The following ZSWIM6 variants were observed in gnomAD, a reference collection of about 807,000 sequenced individuals.
ZSWIM6 encodes zinc finger SWIM domain-containing protein 6.
A neutral mutation model predicts 113.2 loss-of-function variants in ZSWIM6; 9 were observed. That is an observed-to-expected ratio of 0.08 (90% CI 0.05 to 0.14). The LOEUF is 0.14. ZSWIM6 is among the 10% of genes least tolerant of loss of function. The probability of loss-of-function intolerance (pLI) is 1.00; values close to 1 mark genes in which losing one functional copy is unlikely to be tolerated. For missense variants in ZSWIM6, 1,162 were observed against 1,552.2 expected, an observed-to-expected ratio of 0.75 and a Z score of 4.22; for synonymous variants, 611 against 606.5, an observed-to-expected ratio of 1.01 and a Z score of -0.11.
chr5:61,442,161 T>G (rs1312046542), intron 1 of ZSWIM6, among the ~76,000 whole-genome samples: 1 of 152,182 alleles, frequency 6.6e-6, no homozygotes, highest in Non-Finnish European at 1.5e-5. Flanking sequence ...CTGGTTAAGT[T>G]TCAGTTCCTT....
chr5:61,333,011 G>GGGGGCCCCCC, intron 1 of ZSWIM6, 63 bp downstream of exon 1: 1 of 1,003,852 alleles, frequency 1.0e-6, no homozygotes, highest in Non-Finnish European at 1.2e-6. Context: ...GGGGGGGGGT[G>GGGGGCCCCCC]CCCGCCTTTC....
intron 1 of ZSWIM6, among the ~76,000 whole-genome samples, chr5:61,381,344 T>C (rs1010976354): frequency 3.3e-5 from 5 of 152,240 alleles, no homozygotes; most frequent in African/African-American, 1.2e-4. Flanking sequence ...TAAACATTTA[T>C]TGTTCCTTGT....
chr5:61,369,612 G>A (rs13168165), intron 1 of ZSWIM6, among the ~76,000 whole-genome samples: 15,548 of 152,112 alleles, frequency 0.1, 1,002 homozygotes, highest in Middle Eastern at 0.15. Flanking sequence ...TTATTTGAAA[G>A]TGGACAGCCC....
chr5:61,421,043 C>T (rs954073738), intron 1 of ZSWIM6, among the ~76,000 whole-genome samples: 10 of 151,858 alleles, frequency 6.6e-5, no homozygotes, highest in Admixed American at 2.0e-4. Context: ...TCTCAGTCTC[C>T]GAGGTGGCTG....
intron 1 of ZSWIM6, among the ~76,000 whole-genome samples, chr5:61,355,359 C>T (rs1438823442): frequency 6.6e-6 from 1 of 151,016 alleles, no homozygotes; most frequent in East Asian, 1.9e-4. Flanking sequence ...AAATAAATAG[C>T]AGTGATGGTA....
At position 61,408,776 on chromosome 5, in the gene ZSWIM6, G is replaced by A. The variant is rs147565401; in HGVS notation, c.677-63905G>A. ...CTTTGCTTTCCTCACTACAGCTGAG[G>A]GCTTTCGAAGCTTCCCACCAGTGGG... is the stretch of plus-strand genomic sequence containing the variant. On this transcript the variant is annotated intron_variant, in intron 1 of 13. Coordinates refer to ENST00000252744, the MANE Select transcript of ZSWIM6 (RefSeq NM_020928.2). Among the ~76,000 whole-genome samples the A allele has an allele frequency of 1.8e-4, 27 of 152,360 alleles. 3 individuals are homozygous for A. The East Asian group carries it at 5.0e-3, about 28-fold the overall frequency.
chr5:61,500,671 A>T (rs1211342322), intron 4 of ZSWIM6, among the ~76,000 whole-genome samples: 2 of 152,150 alleles, frequency 1.3e-5, no homozygotes, highest in African/African-American at 4.8e-5. Flanking sequence ...GAAAACAAGC[A>T]CATGGATCCA....
intron 1 of ZSWIM6, among the ~76,000 whole-genome samples, chr5:61,436,511 C>G (rs895823874): frequency 6.6e-6 from 1 of 152,176 alleles, no homozygotes; most frequent in Non-Finnish European, 1.5e-5. Context: ...TATGGAAGCC[C>G]TATTCACTAC....
intron 1 of ZSWIM6, among the ~76,000 whole-genome samples, chr5:61,368,849 T>C (rs1357180270): frequency 2.0e-5 from 3 of 152,218 alleles, no homozygotes; most frequent in South Asian, 2.1e-4. Context: ...AAGTGTAGTT[T>C]CTGCTTTGAC....
In ZSWIM6 at chr5:61,525,802, T is replaced by C; in HGVS notation, c.1516T>C (p.Ser506Pro). Reference protein sequence around the residue: ...LPQGANANQDSSNRPHRTVFT... With the variant: ...LPQGANANQDPSNRPHRTVFT... Reference sequence around the variant, plus strand: ...TTTCTGAATTGTGGAAAAAACAGATTCATCGAACAGGCCACATCGGACAGT... The same window carrying C: ...TTTCTGAATTGTGGAAAAAACAGATCCATCGAACAGGCCACATCGGACAGT... The change falls in exon 6 of 14, where the codon TCA (serine) becomes CCA (proline). Residue 506 changes from serine to proline, a missense_variant and splice_region_variant. Physicochemically the swap from Ser to Pro is moderately conservative, Grantham distance 74. Coordinates refer to ENST00000252744, the MANE Select transcript of ZSWIM6 (RefSeq NM_020928.2). 1 of 1,551,416 alleles carries C rather than the reference T, an allele frequency of 6.4e-7. No individual in the cohort carries two copies. Among genetic ancestry groups the C allele is most frequent in the Non-Finnish European group, 8.7e-7 (1 of 1,146,826 alleles).
chr5:61,366,833 G>A (rs1349122605), intron 1 of ZSWIM6, among the ~76,000 whole-genome samples: 1 of 151,662 alleles, frequency 6.6e-6, no homozygotes, highest in Admixed American at 6.6e-5. Flanking sequence ...GGGGGCTGAG[G>A]TGAGAGTATT....
chr5:61,379,038 G>T (rs1255120905), intron 1 of ZSWIM6, among the ~76,000 whole-genome samples: 1 of 151,806 alleles, frequency 6.6e-6, no homozygotes, highest in Non-Finnish European at 1.5e-5. Flanking sequence ...AAAATTAGCT[G>T]GGTGTCGTGG....
Position 61,544,357 on chromosome 5 carries a change from G to C in ZSWIM6, c.*40G>C. On this transcript the variant is annotated 3_prime_UTR_variant, in exon 14 of 14. Coordinates refer to ENST00000252744, the MANE Select transcript of ZSWIM6 (RefSeq NM_020928.2). Reference sequence around the variant, plus strand: ...ATGGGGTGGGGGGTGGGGATGGGAGGGATGGTTTGTTTTTACTTGAGCCTG... The same window carrying C: ...ATGGGGTGGGGGGTGGGGATGGGAGCGATGGTTTGTTTTTACTTGAGCCTG... 1.8e-6 allele frequency: 1 copy of C among 546,928 alleles called. No individual in the cohort carries two copies. Among genetic ancestry groups the C allele is most frequent in the Non-Finnish European group, 3.4e-6 (1 of 296,704 alleles). 33.9% of individuals were successfully genotyped at this position (546,928 alleles called of 1,614,324 possible). A position where few individuals can be genotyped will look rare whatever the true frequency, so the allele number is the denominator to read the frequency against.
chr5:61,441,936 G>C (rs1242445568), intron 1 of ZSWIM6, among the ~76,000 whole-genome samples: 1 of 152,180 alleles, frequency 6.6e-6, no homozygotes, highest in East Asian at 1.9e-4. Context: ...TTATTTGGGT[G>C]CTGCTACTGA....
chr5:61,377,475 T>G (rs539325608), intron 1 of ZSWIM6, among the ~76,000 whole-genome samples: 1 of 152,184 alleles, frequency 6.6e-6, no homozygotes, highest in Admixed American at 6.5e-5. Flanking sequence ...GCAAGCCACT[T>G]TGGGAGGCTG....
intron 2 of ZSWIM6, among the ~76,000 whole-genome samples, chr5:61,480,544 T>C (rs1245516944): frequency 6.6e-6 from 1 of 152,092 alleles, no homozygotes; most frequent in Non-Finnish European, 1.5e-5. Context: ...TTATGTGGAG[T>C]GACCATAGAG....
intron 4 of ZSWIM6, among the ~76,000 whole-genome samples, chr5:61,515,268 A>G (rs979731475): frequency 1.5e-4 from 23 of 152,254 alleles, no homozygotes; most frequent in African/African-American, 5.3e-4. Flanking sequence ...AGCTGGGTTT[A>G]CAGGCACATG....
chr5:61,520,196 CA>C (rs2112259684), intron 4 of ZSWIM6, among the ~76,000 whole-genome samples: 1 of 152,258 alleles, frequency 6.6e-6, no homozygotes, highest in South Asian at 2.1e-4. Flanking sequence ...AAAACATAAA[CA>C]GTTTTCATTC....
intron 1 of ZSWIM6, among the ~76,000 whole-genome samples, chr5:61,384,211 G>T (rs939524295): frequency 7.1e-6 from 1 of 140,382 alleles, no homozygotes; most frequent in African/African-American, 2.7e-5. Context: ...ACTGCAGTCC[G>T]CAGTCCAGCC....
Sources: gnomAD v4.1 joint callset for allele counts (sites outside exome capture counted in the v4.1 genomes callset) on GRCh38, gnomAD v4.1.1 for gene constraint, MANE v1.5 for transcripts, NCBI Gene and HGNC (gene_info 2026-07-23, HGNC 2026-07-21) for gene names.